ADCY2: variants seen among roughly 807,000 people sequenced by gnomAD.
ADCY2 encodes adenylate cyclase type 2.
Under a neutral mutation model 125.2 loss-of-function variants are expected in ADCY2, and 31 were observed. The ratio of observed to expected loss-of-function variants is 0.25; its 90% confidence interval spans 0.19 to 0.33. The LOEUF is 0.33. Ranked by LOEUF, ADCY2 falls within the 10% of genes least tolerant of loss-of-function variation. The probability of loss-of-function intolerance (pLI) is 1.00; values close to 1 mark genes in which losing one functional copy is unlikely to be tolerated. For missense variants in ADCY2, 904 were observed against 1,418.2 expected, an observed-to-expected ratio of 0.64 and a Z score of 5.82; for synonymous variants, 512 against 548.4, an observed-to-expected ratio of 0.93 and a Z score of 0.93.
intron 3 of ADCY2, among the ~76,000 whole-genome samples, chr5:7,575,467 T>G (rs985607544): frequency 6.6e-6 from 1 of 152,234 alleles, no homozygotes; most frequent in African/African-American, 2.4e-5. Flanking sequence ...GCAGTGCTTT[T>G]GCATTCATTT....
chr5:7,821,901 G>A (rs1230176664), intron 24 of ADCY2, among the ~76,000 whole-genome samples: 3 of 152,184 alleles, frequency 2.0e-5, no homozygotes, highest in African/African-American at 4.8e-5. Context: ...ACGGAGTGAG[G>A]GGACCAGTGA....
chr5:7,561,192 C>T (rs1262743599), intron 3 of ADCY2, among the ~76,000 whole-genome samples: 2 of 152,120 alleles, frequency 1.3e-5, no homozygotes, highest in African/African-American at 2.4e-5. Context: ...TTTTTCAATG[C>T]TTTTAACAGA....
At chr5:7,449,874 A>G (rs962579924) in intron 2 of ADCY2, among the ~76,000 whole-genome samples, 3 of 152,164 alleles carry the variant, frequency 2.0e-5, no homozygotes, top group Non-Finnish European at 4.4e-5. Context: ...TTATTATGGT[A>G]TCTGCTATAG....
chr5:7,633,544 T>C (rs557122267), intron 4 of ADCY2, among the ~76,000 whole-genome samples: 65 of 152,156 alleles, frequency 4.3e-4, no homozygotes, highest in Non-Finnish European at 7.6e-4. Flanking sequence ...TGGTTAAATA[T>C]ATGCAGGTGT....
intron 2 of ADCY2, among the ~76,000 whole-genome samples, chr5:7,474,009 C>A (rs556301024): frequency 2.0e-5 from 3 of 152,302 alleles, no homozygotes; most frequent in Admixed American, 6.5e-5. Flanking sequence ...ATGCCATTCT[C>A]CCCTGGGAAG....
chr5:7,708,068 AG>A (rs1471274573), intron 9 of ADCY2: 10 of 458,550 alleles, frequency 2.2e-5, no homozygotes, highest in Non-Finnish European at 3.4e-5. Flanking sequence ...GTGTTGATGC[AG>A]GTTGCTAGTT....
intron 4 of ADCY2, among the ~76,000 whole-genome samples, chr5:7,647,631 T>G (rs990853540): frequency 1.3e-5 from 2 of 152,310 alleles, no homozygotes; most frequent in African/African-American, 4.8e-5. Flanking sequence ...TTGACACATC[T>G]TAAAAATTAA....
intron 12 of ADCY2, among the ~76,000 whole-genome samples, chr5:7,720,588 G>C (rs531914092): frequency 6.8e-6 from 1 of 146,776 alleles, no homozygotes; most frequent in East Asian, 1.9e-4. Flanking sequence ...GATGTTCCCC[G>C]CCCTGTGTCC....
rs868403951 is a variant in ADCY2 at position 7,659,439 on chromosome 5, G to A, written c.721-31252G>A. 2.6e-5 allele frequency among the ~76,000 whole-genome samples: 4 copies of A among 152,136 alleles called. No homozygotes were observed. In the South Asian group the frequency reaches 6.2e-4, roughly 24 times the overall value. ...TTGGTTATTTCATTGTGTTTCACCA[G>A]CTTTTGAATGGAAATGGAAACAGTC... On this transcript the variant is annotated intron_variant, in intron 4 of 24. Transcript: ENST00000338316.
chr5:7,399,798 T>C (rs2111434531), intron 1 of ADCY2, among the ~76,000 whole-genome samples: 1 of 152,358 alleles, frequency 6.6e-6, no homozygotes, highest in Middle Eastern at 3.4e-3. Context: ...GCCTACCAAG[T>C]GCCAGGAATG....
At chr5:7,464,980 G>T (rs1222184328) in intron 2 of ADCY2, among the ~76,000 whole-genome samples, 1 of 152,116 alleles carries the variant, frequency 6.6e-6, no homozygotes, top group Non-Finnish European at 1.5e-5. Context: ...CAAAAGGCAT[G>T]TCTTACATGG....
At chr5:7,713,508 T>TG (rs1561182990) in intron 11 of ADCY2, among the ~76,000 whole-genome samples, 1 of 150,868 alleles carries the variant, frequency 6.6e-6, no homozygotes, top group Non-Finnish European at 1.5e-5. Context: ...AAAAAAAAAA[T>TG]AAAAAGAAAA....
chr5:7,574,068 T>C (rs1736163230), intron 3 of ADCY2, among the ~76,000 whole-genome samples: 1 of 122,464 alleles, frequency 8.2e-6, no homozygotes, highest in African/African-American at 2.9e-5. Context: ...ATTTCATCCA[T>C]GTCCCTACAA....
At chr5:7,609,374 C>T (rs1737493566) in intron 3 of ADCY2, among the ~76,000 whole-genome samples, 1 of 152,192 alleles carries the variant, frequency 6.6e-6, no homozygotes, top group African/African-American at 2.4e-5. Context: ...AAAAAGTTTT[C>T]TTAAAATTAC....
intron 2 of ADCY2, among the ~76,000 whole-genome samples, chr5:7,434,282 G>A (rs781614408): frequency 5.3e-5 from 8 of 152,156 alleles, no homozygotes; most frequent in Non-Finnish European, 7.4e-5. Flanking sequence ...GTAATCAGTT[G>A]GGAACTAGAT....
Position 7,720,411 on chromosome 5 carries a change from A to G in ADCY2, c.1703+3174A>G, listed in dbSNP as rs77080287. Among the ~76,000 whole-genome samples the G allele has an allele frequency of 3.0e-3, 459 of 152,338 alleles. 9 individuals are homozygous for G. In the East Asian group the frequency reaches 0.044, roughly 14 times the overall value. On this transcript the variant is annotated intron_variant, in intron 12 of 24. Transcript: ENST00000338316. ...GTTCAGCAAGTCACATTTTTTTATTATTAAACTTGAAGTTCTAGGGTACAT... is the reference window on the plus strand; with the variant it reads ...GTTCAGCAAGTCACATTTTTTTATTGTTAAACTTGAAGTTCTAGGGTACAT...
At chr5:7,641,751 T>C (rs2018337) in intron 4 of ADCY2, among the ~76,000 whole-genome samples, 38,255 of 151,994 alleles carry the variant, frequency 0.25, 6,333 homozygotes, top group Non-Finnish European at 0.37. Context: ...GTTTAGCTCC[T>C]ACTTATAAGT....
At chr5:7,471,474 C>T (rs2126457154) in intron 2 of ADCY2, among the ~76,000 whole-genome samples, 1 of 152,004 alleles carries the variant, frequency 6.6e-6, no homozygotes, top group South Asian at 2.1e-4. Context: ...CCTTCATATG[C>T]ATTTAAGGCA....
At chr5:7,638,290 A>T (rs1304381947) in intron 4 of ADCY2, among the ~76,000 whole-genome samples, 3 of 152,210 alleles carry the variant, frequency 2.0e-5, no homozygotes, top group African/African-American at 4.8e-5. Context: ...AGCATAGAAT[A>T]AAAACAGGAA....
Sources: gnomAD v4.1 joint callset for allele counts (sites outside exome capture counted in the v4.1 genomes callset) on GRCh38, gnomAD v4.1.1 for gene constraint, MANE v1.5 for transcripts, NCBI Gene and HGNC (gene_info 2026-07-23, HGNC 2026-07-21) for gene names.